Variants in SPAG16 observed in about 807,000 individuals in gnomAD.
The protein encoded by SPAG16 is sperm-associated antigen 16 protein.
SPAG16 carries 86 observed loss-of-function variants against 80.4 expected under a neutral mutation model. The ratio of observed to expected loss-of-function variants is 1.07; its 90% CI spans 0.90 to 1.28. SPAG16 has a LOEUF of 1.28. SPAG16 is among the 50% of genes most tolerant of loss of function. SPAG16 has a pLI of 0.00. For synonymous variants in SPAG16, 294 were observed against 265.9 expected (o/e 1.11, Z -1.03); for missense variants, 870 against 765.3 (o/e 1.14, Z -1.61).
At chr2:213,657,555 CTT>C (rs2125168826) in intron 10 of SPAG16, among the ~76,000 whole-genome samples, 1 of 152,162 alleles carries the variant, frequency 6.6e-6, no homozygotes, top group Admixed American at 6.5e-5. Flanking sequence ...AAAGTATGCT[CTT>C]TTAAATTTTT....
At chr2:214,046,272 A>C (rs973111063) in intron 13 of SPAG16, among the ~76,000 whole-genome samples, 1 of 152,002 alleles carries the variant, frequency 6.6e-6, no homozygotes, top group African/African-American at 2.4e-5. Context: ...ACAAAACTTT[A>C]AAAAAAAGAA....
At chr2:214,323,980 A>G (rs565038257) in intron 15 of SPAG16, among the ~76,000 whole-genome samples, 2 of 152,338 alleles carry the variant, frequency 1.3e-5, no homozygotes, top group South Asian at 4.1e-4. Flanking sequence ...AATAACATGC[A>G]TGTCCTAATG....
rs142184690 is a variant in SPAG16 at position 214,218,636 on chromosome 2, G to A, written c.1720+69370G>A. Among the ~76,000 whole-genome samples the A allele has an allele frequency of 1.8e-3, 276 of 152,320 alleles. 2 individuals carry two copies. Among genetic ancestry groups the A allele is most frequent in the African/African-American group, 6.2e-3 (259 of 41,572 alleles). On this transcript the variant is annotated intron_variant, in intron 15 of 15. Transcript: ENST00000331683. ...TTGTGCAGGTTTTACTATACTACAT[G>A]AGGAGAGTGGGGAATGTGATTTGAT...
At chr2:214,154,440 A>G (rs987720983) in intron 15 of SPAG16, among the ~76,000 whole-genome samples, 1 of 152,058 alleles carries the variant, frequency 6.6e-6, no homozygotes, top group Non-Finnish European at 1.5e-5. Flanking sequence ...CGGAACCACA[A>G]TAGAAATCCC....
chr2:213,543,090 T>G (rs1477250898), intron 10 of SPAG16, among the ~76,000 whole-genome samples: 1 of 151,988 alleles, frequency 6.6e-6, no homozygotes, highest in Admixed American at 6.5e-5. Flanking sequence ...CAGAAAGTAT[T>G]AAGAACAATT....
intron 15 of SPAG16, among the ~76,000 whole-genome samples, chr2:214,333,313 C>A (rs1307189625): frequency 6.6e-6 from 1 of 152,214 alleles, no homozygotes; most frequent in African/African-American, 2.4e-5. Context: ...ATCTATCTTG[C>A]ACCTAGCAAA....
At chr2:213,294,979 A>C (rs1278152962) in intron 1 of SPAG16, among the ~76,000 whole-genome samples, 1 of 152,136 alleles carries the variant, frequency 6.6e-6, no homozygotes, top group African/African-American at 2.4e-5. Context: ...CATGGAAAAC[A>C]CTTAGAACAG....
At chr2:213,778,803 A>G (rs1386223834) in intron 10 of SPAG16, among the ~76,000 whole-genome samples, 8 of 152,316 alleles carry the variant, frequency 5.3e-5, no homozygotes, top group African/African-American at 1.9e-4. Flanking sequence ...TCTCTTATGC[A>G]ACTGGAAAGC....
At chr2:213,783,317 TAAA>T (rs11362970) in intron 10 of SPAG16, among the ~76,000 whole-genome samples, 10,858 of 145,876 alleles carry the variant, frequency 0.074, 700 homozygotes, top group African/African-American at 0.18. Context: ...TAGAGTATAA[TAAA>T]AAAAAAAAAA....
At chr2:213,629,514 A>G (rs903591411) in intron 10 of SPAG16, among the ~76,000 whole-genome samples, 1 of 152,218 alleles carries the variant, frequency 6.6e-6, no homozygotes, top group Non-Finnish European at 1.5e-5. Context: ...TGGTGGCATA[A>G]TTTAGAGCCT....
chr2:213,615,172 A>G (rs933560687), intron 10 of SPAG16, among the ~76,000 whole-genome samples: 17 of 152,250 alleles, frequency 1.1e-4, no homozygotes, highest in Admixed American at 9.2e-4. Context: ...TACAGACAAC[A>G]AACAGAGTTG....
At chr2:213,417,245 T>A (rs992526434) in intron 9 of SPAG16, among the ~76,000 whole-genome samples, 1 of 152,182 alleles carries the variant, frequency 6.6e-6, no homozygotes, top group Non-Finnish European at 1.5e-5. Context: ...ATATTTTGGG[T>A]ATAGCCATAA....
rs375012422 is a variant in SPAG16 at position 213,801,847 on chromosome 2, A to T, written c.1071-60638A>T. 2.0e-5 allele frequency among the ~76,000 whole-genome samples: 3 copies of T among 152,202 alleles called. No individual in the cohort carries two copies. In the South Asian group the frequency reaches 6.2e-4, roughly 32 times the overall value. ...TTTCTGACGATTGTTGTGGGAACCA[A>T]TTGTATAATGTGAATAAGAATTAGT... On this transcript the variant is annotated intron_variant, in intron 10 of 15. Transcript: ENST00000331683.
chr2:213,384,675 T>A (rs1379860380), intron 9 of SPAG16, among the ~76,000 whole-genome samples: 1 of 152,178 alleles, frequency 6.6e-6, no homozygotes, highest in Non-Finnish European at 1.5e-5. Flanking sequence ...TGAACTTCTT[T>A]CGTCAGGAAG....
chr2:213,443,664 A>G (rs1157579020), intron 9 of SPAG16, among the ~76,000 whole-genome samples: 1 of 152,158 alleles, frequency 6.6e-6, no homozygotes, highest in Non-Finnish European at 1.5e-5. Context: ...TTGGGCATAT[A>G]CCCAGCAGAA....
At chr2:213,873,567 G>T (rs1310515113) in intron 11 of SPAG16, among the ~76,000 whole-genome samples, 1 of 151,514 alleles carries the variant, frequency 6.6e-6, no homozygotes, top group Non-Finnish European at 1.5e-5. Context: ...ACTTGCTTAA[G>T]ATAGAAGGTT....
At chr2:213,977,225 A>T (rs1323009841) in intron 12 of SPAG16, among the ~76,000 whole-genome samples, 1 of 152,052 alleles carries the variant, frequency 6.6e-6, no homozygotes, top group Non-Finnish European at 1.5e-5. Flanking sequence ...ATTCCCTCAC[A>T]TATGAAAAAT....
intron 15 of SPAG16, among the ~76,000 whole-genome samples, chr2:214,205,491 A>C (rs1470597266): frequency 6.6e-6 from 1 of 152,228 alleles, no homozygotes; most frequent in Non-Finnish European, 1.5e-5. Context: ...CATATATTGA[A>C]TAATTTTTAC....
At chr2:213,412,514 A>G (rs1253833809) in intron 9 of SPAG16, among the ~76,000 whole-genome samples, 1 of 152,210 alleles carries the variant, frequency 6.6e-6, no homozygotes, top group African/African-American at 2.4e-5. Context: ...TTTATGAATC[A>G]AAGTTTTATC....
Sources: allele counts gnomAD v4.1 joint callset (sites outside exome capture counted in the v4.1 genomes callset), GRCh38; gene constraint gnomAD v4.1.1; transcripts MANE v1.5; gene names NCBI Gene and HGNC (gene_info 2026-07-23, HGNC 2026-07-21).